Variants in STEAP1B observed in about 807,000 individuals in gnomAD.
STEAP1B encodes the protein STEAP family member 1B.
STEAP1B carries 13 observed loss-of-function variants against 27.9 expected under a neutral mutation model. That is an observed-to-expected ratio of 0.47 (90% CI 0.30 to 0.74). The LOEUF is 0.74. STEAP1B is among the 30% of genes least tolerant of loss of function. The pLI, the probability that STEAP1B is intolerant of heterozygous loss-of-function variation, is 0.06. For synonymous variants in STEAP1B, 86 were observed against 107.1 expected (o/e 0.80, Z 1.22); for missense variants, 250 against 298.7 (o/e 0.84, Z 1.20).
At chr7:22,436,260 T>C (rs1229695083) in intron 4 of STEAP1B, among the ~76,000 whole-genome samples, 3 of 152,184 alleles carry the variant, frequency 2.0e-5, no homozygotes, top group Non-Finnish European at 4.4e-5. Flanking sequence ...ACATATGTAA[T>C]GTGTACAACT....
intron 2 of STEAP1B, 148 bp from the exon 3 acceptor site, chr7:22,493,984 C>T: frequency 2.9e-6 from 3 of 1,022,528 alleles, no homozygotes; most frequent in Non-Finnish European, 4.1e-6. Context: ...TTGAAGATAG[C>T]ATAGTCTATG....
At chr7:22,470,582 A>G (rs1004062024) in intron 4 of STEAP1B, among the ~76,000 whole-genome samples, 2 of 152,160 alleles carry the variant, frequency 1.3e-5, no homozygotes, top group Non-Finnish European at 2.9e-5. Context: ...ACCAGCCAAC[A>G]TGGTAAAACC....
chr7:22,482,903 G>A (rs1786108836), intron 4 of STEAP1B, among the ~76,000 whole-genome samples: 1 of 152,136 alleles, frequency 6.6e-6, no homozygotes, highest in Admixed American at 6.5e-5. Context: ...GACATCCCTG[G>A]ATCTTGTCTC....
At chr7:22,492,995 T>C (rs1786357573) in intron 3 of STEAP1B, among the ~76,000 whole-genome samples, 5 of 152,328 alleles carry the variant, frequency 3.3e-5, no homozygotes, top group African/African-American at 9.6e-5. Flanking sequence ...GTAATGTGCA[T>C]GCATATGTGG....
chr7:22,461,616 A>G (rs1321724324), intron 4 of STEAP1B, among the ~76,000 whole-genome samples: 11 of 152,186 alleles, frequency 7.2e-5, no homozygotes, highest in Admixed American at 7.2e-4. Context: ...GACCTTCCCC[A>G]AAGCAGTTAC....
chr7:22,431,227 C>T (rs750862339), intron 4 of STEAP1B, among the ~76,000 whole-genome samples: 40 of 152,054 alleles, frequency 2.6e-4, no homozygotes, highest in Non-Finnish European at 3.2e-4. Context: ...GCTTCTCCTC[C>T]TCTTCTCTTC....
chr7:22,471,137 C>A (rs1290237460), intron 4 of STEAP1B, among the ~76,000 whole-genome samples: 1 of 152,198 alleles, frequency 6.6e-6, no homozygotes, highest in Non-Finnish European at 1.5e-5. Context: ...TTTTCCTCTC[C>A]CACACAGCTC....
rs757391034 is a variant in STEAP1B at position 22,465,376 on chromosome 7, GCTT to G, written c.762+27186_762+27188del. ...GGTGGACTAATGTACGGATTTTTTTGCTTTTTTAAAAACTTGTAAATTTATGCA... is the reference window on the plus strand; with the variant it reads ...GGTGGACTAATGTACGGATTTTTTTGTTTTAAAAACTTGTAAATTTATGCA... On this transcript the variant is annotated intron_variant, in intron 4 of 4. Coordinates refer to ENST00000678116, the MANE Select transcript of STEAP1B (RefSeq NM_001382447.1). Among the ~76,000 whole-genome samples the G allele has an allele frequency of 4.6e-5, 7 of 151,982 alleles. No homozygotes were observed. In the East Asian group the frequency reaches 1.2e-3, roughly 25 times the overall value.
At chr7:22,435,499 C>T (rs1482354778) in intron 4 of STEAP1B, among the ~76,000 whole-genome samples, 1 of 152,108 alleles carries the variant, frequency 6.6e-6, no homozygotes, top group Non-Finnish European at 1.5e-5. Flanking sequence ...TTATTGACAA[C>T]CCTCCATCAG....
At chr7:22,467,967 C>T (rs2128409904) in intron 4 of STEAP1B, among the ~76,000 whole-genome samples, 1 of 152,130 alleles carries the variant, frequency 6.6e-6, no homozygotes, top group East Asian at 1.9e-4. Flanking sequence ...TGGAGGGAGC[C>T]CCAGAATGGG....
chr7:22,432,420 T>TAAAA (rs1193148121), intron 4 of STEAP1B, among the ~76,000 whole-genome samples: 5 of 138,116 alleles, frequency 3.6e-5, no homozygotes, highest in African/African-American at 1.4e-4. Flanking sequence ...AATAAATAAA[T>TAAAA]AAAAGGTTAG....
At chr7:22,436,206 T>A (rs2528840) in intron 4 of STEAP1B, among the ~76,000 whole-genome samples, 77,363 of 146,608 alleles carry the variant, frequency 0.53, 20,184 homozygotes, top group Middle Eastern at 0.66. Context: ...CATACTTTTT[T>A]AAAAAAATCA....
intron 2 of STEAP1B, among the ~76,000 whole-genome samples, chr7:22,494,500 CCAAGG>C (rs1786403722): frequency 6.6e-6 from 1 of 151,264 alleles, no homozygotes; most frequent in East Asian, 1.9e-4. Flanking sequence ...ATGATCTGGT[CCAAGG>C]CTTTCATGGT....
At chr7:22,490,214 G>A (rs1786297005) in intron 4 of STEAP1B, among the ~76,000 whole-genome samples, 1 of 151,594 alleles carries the variant, frequency 6.6e-6, no homozygotes, top group African/African-American at 2.4e-5. Flanking sequence ...TCTCAATTTG[G>A]TATTAAAACA....
chr7:22,437,226 C>T (rs1455892710), intron 4 of STEAP1B, among the ~76,000 whole-genome samples: 1 of 152,234 alleles, frequency 6.6e-6, no homozygotes, highest in Admixed American at 6.5e-5. Flanking sequence ...TCTCGCATAA[C>T]TGAAACTTTA....
chr7:22,438,578 T>C, intron 4 of STEAP1B: 4 of 1,552,210 alleles, frequency 2.6e-6, no homozygotes, highest in South Asian at 1.2e-5. Flanking sequence ...ACATTTCCCT[T>C]TGAAGGGCTG....
At chr7:22,477,698 T>C (rs938264147) in intron 4 of STEAP1B, among the ~76,000 whole-genome samples, 2 of 152,250 alleles carry the variant, frequency 1.3e-5, no homozygotes, top group African/African-American at 4.8e-5. Context: ...GTGCAAAATT[T>C]TGTCTACATA....
At chr7:22,444,495 C>T (rs1315404682) in intron 4 of STEAP1B, among the ~76,000 whole-genome samples, 2 of 152,132 alleles carry the variant, frequency 1.3e-5, no homozygotes, top group African/African-American at 2.4e-5. Context: ...AAATTATACC[C>T]ATCATGGGGA....
intron 4 of STEAP1B, among the ~76,000 whole-genome samples, chr7:22,469,162 A>G (rs969389360): frequency 3.3e-5 from 5 of 152,096 alleles, no homozygotes; most frequent in African/African-American, 1.2e-4. Flanking sequence ...GATGATCTGG[A>G]CCCTGTGTAG....
Sources: gnomAD v4.1 joint callset for allele counts (sites outside exome capture counted in the v4.1 genomes callset) on GRCh38, gnomAD v4.1.1 for gene constraint, MANE v1.5 for transcripts, NCBI Gene and HGNC (gene_info 2026-07-23, HGNC 2026-07-21) for gene names.